The following PLCH1 variants were observed in gnomAD, a reference collection of about 807,000 sequenced individuals.
PLCH1 encodes phospholipase C eta 1, also known as 1-phosphatidylinositol 4,5-bisphosphate phosphodiesterase eta-1.
A neutral mutation model predicts 126.7 loss-of-function variants in PLCH1; 60 were observed. The ratio of observed to expected loss-of-function variants is 0.47; its 90% CI spans 0.38 to 0.59. The LOEUF (loss-of-function observed/expected upper bound fraction) is 0.59. Among genes scored for constraint, PLCH1 ranks in the 20% least tolerant of loss-of-function variants. The probability of loss-of-function intolerance (pLI) is 0.00; values close to 1 mark genes in which losing one functional copy is unlikely to be tolerated. For synonymous variants in PLCH1, 719 were observed against 734.9 expected (o/e 0.98, Z 0.35); for missense variants, 1,723 against 2,040.0 (o/e 0.84, Z 2.99).
At chr3:155,520,249 T>C (rs1720905689) in intron 11 of PLCH1, among the ~76,000 whole-genome samples, 1 of 152,252 alleles carries the variant, frequency 6.6e-6, no homozygotes, top group African/African-American at 2.4e-5. Context: ...AGTGCTGGTA[T>C]GTTTTAAACG....
intron 12 of PLCH1, among the ~76,000 whole-genome samples, chr3:155,505,964 A>G (rs938815717): frequency 9.9e-5 from 15 of 151,370 alleles, no homozygotes; most frequent in Admixed American, 7.2e-4. Flanking sequence ...AGTAGGGACT[A>G]TGCCATTTAT....
intron 12 of PLCH1, among the ~76,000 whole-genome samples, chr3:155,512,721 C>A (rs1341140132): frequency 6.6e-6 from 1 of 152,168 alleles, no homozygotes; most frequent in Non-Finnish European, 1.5e-5. Flanking sequence ...GGAGCCAGAA[C>A]AGAAAGGAAG....
At chr3:155,600,090 A>G (rs757912618) in intron 2 of PLCH1, among the ~76,000 whole-genome samples, 14 of 152,214 alleles carry the variant, frequency 9.2e-5, no homozygotes, top group Non-Finnish European at 1.8e-4. Flanking sequence ...TGAAAAATCA[A>G]GTCCACTGAA....
At chr3:155,711,211 G>C (rs1488557872) in intron 1 of PLCH1, among the ~76,000 whole-genome samples, 3 of 151,680 alleles carry the variant, frequency 2.0e-5, no homozygotes, top group Admixed American at 6.6e-5. Flanking sequence ...TGCAGCAAAT[G>C]GACTAAAAGT....
intron 2 of PLCH1, among the ~76,000 whole-genome samples, chr3:155,688,264 T>A (rs937941328): frequency 3.9e-5 from 6 of 152,222 alleles, no homozygotes; most frequent in African/African-American, 1.4e-4. Flanking sequence ...TCCTTTTATG[T>A]CACAATATTC....
chr3:155,453,771 A>G (rs966802508), intron 21 of PLCH1, among the ~76,000 whole-genome samples: 21 of 151,154 alleles, frequency 1.4e-4, no homozygotes, highest in Non-Finnish European at 2.4e-4. Context: ...ATAATTTATG[A>G]TTAATTTCTG....
At chr3:155,626,270 A>G (rs1405916732) in intron 2 of PLCH1, among the ~76,000 whole-genome samples, 2 of 152,166 alleles carry the variant, frequency 1.3e-5, no homozygotes, top group Non-Finnish European at 2.9e-5. Flanking sequence ...CCCCAATGTC[A>G]GAAACACAGG....
chr3:155,460,877 A>G (rs1712697950), intron 21 of PLCH1, among the ~76,000 whole-genome samples: 1 of 152,156 alleles, frequency 6.6e-6, no homozygotes, highest in African/African-American at 2.4e-5. Context: ...TGCAAATTCA[A>G]CCAGGTGGTA....
rs1460180813 is a variant in PLCH1, at chr3:155,661,248, G to C, written c.79+42898C>G. 2.6e-5 allele frequency among the ~76,000 whole-genome samples: 4 copies of C among 152,198 alleles called. No homozygotes were observed. In the South Asian group the frequency reaches 8.3e-4, roughly 32 times the overall value. On this transcript the variant is annotated intron_variant, in intron 2 of 22. Transcript: ENST00000460012. ...GTTCTGTGCTCAGACCAGAGAGATA[G>C]AGAGCAGGGAGAGAGAGAGAGGTTG...
chr3:155,704,149 G>T lies in PLCH1; in HGVS notation c.76C>A (p.His26Asn). 4.1e-6 allele frequency: 5 copies of T among 1,211,432 alleles called. No homozygotes were observed. Among genetic ancestry groups the T allele is most frequent in the Non-Finnish European group, 4.1e-6 (4 of 969,420 alleles). 75.0% of individuals were successfully genotyped at this position (1,211,432 alleles called of 1,614,324 possible). ...RHFLVDNSVF[H>N]VERCMSVMQS... is the part of the protein sequence containing the mutation. ...ATAAATACAAGAGACAGCTTACCAT[G>T]AAACACACTGTTGTCCACCAGAAAA... is the stretch of plus-strand genomic sequence containing the variant. Residue 26 changes from histidine (H) to asparagine (N), a missense_variant, in exon 2 of 23, where the codon CAT (histidine) becomes AAT (asparagine). Coordinates refer to ENST00000460012, the MANE Select transcript of PLCH1 (RefSeq NM_014996.4).
chr3:155,663,970 A>C (rs1288876859), intron 2 of PLCH1, among the ~76,000 whole-genome samples: 1 of 152,168 alleles, frequency 6.6e-6, no homozygotes, highest in African/African-American at 2.4e-5. Flanking sequence ...GTGATACCAA[A>C]GCATTCCTCA....
intron 7 of PLCH1, among the ~76,000 whole-genome samples, chr3:155,566,248 T>C (rs1728443507): frequency 1.0e-5 from 1 of 96,612 alleles, no homozygotes; most frequent in East Asian, 4.3e-4. Context: ...TACATATATA[T>C]ACGTATATAT....
chr3:155,625,384 T>C (rs1287443241), intron 2 of PLCH1, among the ~76,000 whole-genome samples: 3 of 151,986 alleles, frequency 2.0e-5, no homozygotes, highest in East Asian at 3.8e-4. Flanking sequence ...AAAGCCAAAA[T>C]TGACAAATGA....
intron 21 of PLCH1, among the ~76,000 whole-genome samples, chr3:155,460,449 C>G (rs934493185): frequency 6.6e-6 from 1 of 152,004 alleles, no homozygotes; most frequent in African/African-American, 2.4e-5. Flanking sequence ...TACAATGGGT[C>G]CAATAGATAT....
chr3:155,549,701 T>C (rs1725848033), intron 10 of PLCH1, 86 bp downstream of exon 10: 5 of 901,050 alleles, frequency 5.5e-6, no homozygotes, highest in African/African-American at 1.7e-5. Flanking sequence ...ATTATTATTC[T>C]CCCTTGAAAC....
rs1714940085 is a variant in PLCH1 at position 155,485,590 on chromosome 3, C to A, written c.2740G>T (p.Ala914Ser). 5.0e-6 allele frequency: 8 copies of A among 1,613,986 alleles called. No homozygotes were observed. The highest frequency in any genetic ancestry group is 3.4e-6 in the Non-Finnish European group (4 of 1,179,984). Reference protein sequence around the residue: ...SIGDRILRRTASAPAKGRKKS... With the variant: ...SIGDRILRRTSSAPAKGRKKS... ...TTCCTGCCTTTGGCTGGGGCGCTAG[C>A]TGTGCGTCGCAGAATTCTATCTCCA... The change falls in exon 22 of 23, where the codon GCT becomes TCT. Residue 914 changes from alanine (A) to serine (S), a missense_variant. Ala to Ser is a moderately conservative substitution (Grantham distance 99). Coordinates refer to ENST00000460012, the MANE Select transcript of PLCH1 (RefSeq NM_014996.4).
intron 6 of PLCH1, among the ~76,000 whole-genome samples, chr3:155,581,392 G>A (rs537081194): frequency 1.3e-5 from 2 of 152,106 alleles, no homozygotes; most frequent in African/African-American, 4.8e-5. Context: ...AAAAGCAAAT[G>A]ACCCAAATTT....
At chr3:155,692,459 A>AATGG (rs59965316) in intron 2 of PLCH1, among the ~76,000 whole-genome samples, 13,013 of 151,714 alleles carry the variant, frequency 0.086, 948 homozygotes, top group African/African-American at 0.2. Flanking sequence ...TGAATGAATG[A>AATGG]ATGGATGGAT....
At chr3:155,572,514 T>C (rs371499771) in intron 6 of PLCH1, among the ~76,000 whole-genome samples, 41 of 152,288 alleles carry the variant, frequency 2.7e-4, no homozygotes, top group African/African-American at 9.4e-4. Flanking sequence ...ATTTGCCTCT[T>C]TGTGGATCTT....
Sources: gnomAD v4.1 joint callset for allele counts (sites outside exome capture counted in the v4.1 genomes callset) on GRCh38, gnomAD v4.1.1 for gene constraint, MANE v1.5 for transcripts, NCBI Gene and HGNC (gene_info 2026-07-23, HGNC 2026-07-21) for gene names.